SUCO: variants seen among roughly 807,000 people sequenced by gnomAD.
SUCO encodes SUN domain-containing ossification factor.
A neutral mutation model predicts 148.1 loss-of-function variants in SUCO; 57 were observed. That is an observed-to-expected ratio of 0.38 (90% CI 0.31 to 0.48). SUCO has a LOEUF of 0.48. Ranked by LOEUF, SUCO falls within the 20% of genes least tolerant of loss-of-function variation. The pLI is 0.96. For synonymous variants in SUCO, 470 were observed against 502.7 expected (o/e 0.93, Z 0.87); for missense variants, 1,331 against 1,468.2 (o/e 0.91, Z 1.53).
At chr1:172,569,574 G>C in intron 7 of SUCO, 1 of 889,880 alleles carries the variant, frequency 1.1e-6, no homozygotes, top group Non-Finnish European at 1.3e-6. Context: ...ATGAGGCAGA[G>C]GAGGGTGACT....
At chr1:172,553,229 T>C in intron 2 of SUCO, 31 bp from the exon 3 acceptor site, 1 of 1,521,760 alleles carries the variant, frequency 6.6e-7, no homozygotes, top group Non-Finnish European at 8.9e-7. Context: ...AACAGTTTTA[T>C]CAGGTGATTT....
intron 22 of SUCO, among the ~76,000 whole-genome samples, chr1:172,604,817 G>A (rs777419006): frequency 2.0e-5 from 3 of 151,728 alleles, no homozygotes; most frequent in Non-Finnish European, 3.0e-5. Context: ...ATGTCCTCAA[G>A]GTTCATCTAC....
chr1:172,590,858 G>T, intron 18 of SUCO, 126 bp from the exon 19 acceptor site: 1 of 642,914 alleles, frequency 1.6e-6, no homozygotes, highest in Non-Finnish European at 2.7e-6. Flanking sequence ...TATTGCATAG[G>T]CCTGAATAAG....
At chr1:172,606,331 G>A (rs992861253) in intron 22 of SUCO, among the ~76,000 whole-genome samples, 7 of 151,180 alleles carry the variant, frequency 4.6e-5, no homozygotes, top group African/African-American at 1.7e-4. Flanking sequence ...TTATTGGGGA[G>A]GAAGTAAATA....
Position 172,589,951 on chromosome 1 carries a change from A to G in SUCO, c.2825+25A>G, listed in dbSNP as rs78971705. 2,530 of 1,498,690 alleles carry G rather than the reference A, an allele frequency of 1.7e-3. 34 individuals are homozygous for G. The African/African-American group carries it at 0.03, about 18-fold the overall frequency. 92.8% of individuals were successfully genotyped at this position (1,498,690 alleles called of 1,614,324 possible). A position where few individuals can be genotyped will look rare whatever the true frequency, so the allele number is the denominator to read the frequency against. ...GGTAAGCTTTATTATGAATTAGCAC[A>G]GTCAGCTTCACACAGTGAGTTAAGC... On this transcript the variant is annotated intron_variant, in intron 18 of 23. Transcript: ENST00000263688.
chr1:172,587,944 C>G (rs187810955), intron 17 of SUCO: 10 of 246,804 alleles, frequency 4.1e-5, no homozygotes, highest in Non-Finnish European at 6.5e-5. Context: ...TTCATCCCCC[C>G]ACTCTCCTGT....
chr1:172,587,423 A>C (rs1656320707), intron 17 of SUCO, among the ~76,000 whole-genome samples: 1 of 152,088 alleles, frequency 6.6e-6, no homozygotes, highest in Non-Finnish European at 1.5e-5. Flanking sequence ...AGTGTGTATG[A>C]TGGGATATAA....
At chr1:172,609,671 A>G (rs940287106) in intron 23 of SUCO, 145 bp from the exon 24 acceptor site, 36 of 1,445,360 alleles carry the variant, frequency 2.5e-5, no homozygotes, top group Non-Finnish European at 3.2e-5. Flanking sequence ...ATAGAACATA[A>G]CAATGTATGT....
chr1:172,592,298 A>G (rs879669236), intron 19 of SUCO, among the ~76,000 whole-genome samples: 3 of 152,262 alleles, frequency 2.0e-5, no homozygotes, highest in South Asian at 2.1e-4. Flanking sequence ...TCATTTGTCA[A>G]TTTCAGCTTT....
rs566665270 is a variant in SUCO at position 172,593,490 on chromosome 1, GT to G, written c.2913+2421del. Among the ~76,000 whole-genome samples the G allele has an allele frequency of 3.2e-4, 48 of 152,288 alleles. No homozygotes were observed. The South Asian group carries it at 9.7e-3, about 31-fold the overall frequency. ...TTGAGAGTTTTTAGCATGAAGGGTT[GT>G]TGAATTTTGTCAAAGGCCTTTTCTG... is the stretch of plus-strand genomic sequence containing the variant. On this transcript the variant is annotated intron_variant, in intron 19 of 23. Transcript: ENST00000263688.
intron 8 of SUCO, 43 bp downstream of exon 8, chr1:172,570,214 C>T (rs541735535): frequency 5.1e-5 from 64 of 1,249,648 alleles, no homozygotes; most frequent in South Asian, 3.3e-4. Flanking sequence ...AGGAAATTAA[C>T]GACTTTTTAA....
intron 3 of SUCO, among the ~76,000 whole-genome samples, chr1:172,554,946 C>G (rs1324814656): frequency 6.6e-6 from 1 of 151,820 alleles, no homozygotes; most frequent in Non-Finnish European, 1.5e-5. Flanking sequence ...CTCCGGACTG[C>G]GTGCCTCGAT....
At chr1:172,600,411 C>T (rs1433863143) in intron 20 of SUCO, among the ~76,000 whole-genome samples, 3 of 152,166 alleles carry the variant, frequency 2.0e-5, no homozygotes, top group African/African-American at 7.2e-5. Context: ...AAACTTCTAG[C>T]AGGCCTTTTG....
At chr1:172,579,341 A>G (rs980541966) in intron 15 of SUCO, 74 bp downstream of exon 15, 2 of 918,946 alleles carry the variant, frequency 2.2e-6, no homozygotes, top group African/African-American at 1.7e-5. Context: ...TTGTCATGGT[A>G]TGGTTGAGGA....
rs898764990 is a variant in SUCO, at chr1:172,553,276, C to T, written c.194C>T (p.Pro65Leu). The change falls in exon 3 of 24, where the codon CCT (proline) becomes CTT (leucine). Residue 65 changes from proline to leucine, a missense_variant. This residue lies in a region of SUCO where 992 missense variants were observed against 1,093.5 expected (regional missense o/e 0.91). Transcript: ENST00000263688. ...QFQKKDEREG[P>L]INAESLGKSG... is the part of the protein sequence containing the mutation. ...GTTATATAGGATGAAAGAGAGGGAC[C>T]TATCAATGCCGAATCATTGGGAAAA... 2.5e-6 allele frequency: 4 copies of T among 1,589,704 alleles called. No homozygotes were observed. The highest frequency in any genetic ancestry group is 3.4e-5 in the Admixed American group (2 of 58,368).
At chr1:172,542,432 C>T (rs1265876918) in intron 1 of SUCO, among the ~76,000 whole-genome samples, 3 of 152,060 alleles carry the variant, frequency 2.0e-5, no homozygotes, top group Non-Finnish European at 4.4e-5. Flanking sequence ...AAGCAGAGGT[C>T]CCCAGCCCCT....
At position 172,555,873 on chromosome 1, in the gene SUCO, C is replaced by A; in HGVS notation, c.293C>A (p.Thr98Lys). 6.2e-7 allele frequency: 1 copy of A among 1,608,454 alleles called. No homozygotes were observed. The highest frequency in any genetic ancestry group is 8.5e-7 in the Non-Finnish European group (1 of 1,176,928). Residue 98 changes from threonine (T) to lysine (K), a missense_variant, in exon 4 of 24, where the codon ACA becomes AAA. Thr to Lys is a moderately conservative substitution (Grantham distance 78). Coordinates refer to ENST00000263688, the MANE Select transcript of SUCO (RefSeq NM_014283.5). The stretch of plus-strand genomic sequence containing the variant: ...CTGACTTGTTTTTTTAAACAGAATA[C>A]AGAGTCAAAAAAGTTAAGTCCACCG... ...KDDSIVDVQN[T>K]ESKKLSPPVV...
chr1:172,589,464 A>G lies in SUCO; in HGVS notation c.2363A>G (p.Glu788Gly). ...EQKSESFSSI[E>G]KPSITYETNK... ...AAGTCTGAGAGCTTTAGTTCTATAG[A>G]GAAACCATCTATTACCTATGAAACA... is the stretch of plus-strand genomic sequence containing the variant. The change falls in exon 18 of 24, where the codon GAG (glutamate) becomes GGG (glycine). Residue 788 changes from glutamate to glycine, a missense_variant. Around this residue, in one of 3 missense-constraint regions of SUCO, gnomAD observed 992 missense variants for 1,093.5 expected, o/e 0.91. Transcript: ENST00000263688. 2.5e-6 allele frequency: 4 copies of G among 1,611,448 alleles called. No homozygotes were observed. The highest frequency in any genetic ancestry group is 3.4e-6 in the Non-Finnish European group (4 of 1,179,184).
chr1:172,563,695 A>G (rs903322864), intron 6 of SUCO, among the ~76,000 whole-genome samples: 5 of 152,248 alleles, frequency 3.3e-5, no homozygotes, highest in African/African-American at 1.2e-4. Flanking sequence ...GACTTGTGGT[A>G]GAAAAGAAAA....
Sources: gnomAD v4.1 joint callset for allele counts (sites outside exome capture counted in the v4.1 genomes callset) on GRCh38, gnomAD v4.1.1 for gene constraint, gnomAD v4.1.1 regional missense constraint, MANE v1.5 for transcripts, NCBI Gene and HGNC (gene_info 2026-07-23, HGNC 2026-07-21) for gene names.